Variants in TCF7L1 observed in about 807,000 individuals in gnomAD.
TCF7L1 encodes transcription factor 7-like 1.
A neutral mutation model predicts 63.7 loss-of-function variants in TCF7L1; 18 were observed. That is an observed-to-expected ratio of 0.28 (90% CI 0.20 to 0.42). The LOEUF is 0.42. Among genes scored for constraint, TCF7L1 ranks in the 10% least tolerant of loss-of-function variants. The pLI is 1.00. For missense variants in TCF7L1, 654 were observed against 779.3 expected (o/e 0.84, Z 1.91); for synonymous variants, 355 against 340.9 (o/e 1.04, Z -0.46).
In TCF7L1 at chr2:85,305,183, G is replaced by A. The variant is rs994405455; in HGVS notation, c.846-77G>A. The A allele has an allele frequency of 1.4e-5, 22 of 1,591,164 alleles. No individual in the cohort carries two copies. The South Asian group carries it at 2.3e-4, about 17-fold the overall frequency. On this transcript the variant is annotated intron_variant, in intron 7 of 11. Coordinates refer to ENST00000282111, the MANE Select transcript of TCF7L1 (RefSeq NM_031283.3). ...CATGCCTGTGCCCTTAAGGCAGAGA[G>A]CCACCGTGTCCTCTGCTGGGTGGCA...
chr2:85,198,494 T>C (rs1041932124), intron 3 of TCF7L1, among the ~76,000 whole-genome samples: 2 of 152,066 alleles, frequency 1.3e-5, no homozygotes, highest in African/African-American at 4.8e-5. Context: ...CAGGGGCTGG[T>C]TTCAGGCCCA....
chr2:85,169,966 A>G (rs578100568), intron 3 of TCF7L1, among the ~76,000 whole-genome samples: 1 of 152,390 alleles, frequency 6.6e-6, no homozygotes, highest in South Asian at 2.1e-4. Context: ...AAAGATCCAA[A>G]TTGAAAAAGA....
At chr2:85,304,124 G>A (rs1331553845) in intron 6 of TCF7L1, 127 bp downstream of exon 6, 49 of 1,204,450 alleles carry the variant, frequency 4.1e-5, no homozygotes, top group Non-Finnish European at 5.3e-5. Flanking sequence ...CCCTGCCCCC[G>A]CCCAGGCAGC....
intron 3 of TCF7L1, among the ~76,000 whole-genome samples, chr2:85,268,705 G>A (rs975953607): frequency 2.0e-5 from 3 of 150,890 alleles, no homozygotes; most frequent in Admixed American, 6.6e-5. Context: ...GTTTCCCAAA[G>A]TGCTGGGATT....
intron 4 of TCF7L1, among the ~76,000 whole-genome samples, chr2:85,285,714 C>G (rs1014107203): frequency 1.3e-5 from 2 of 152,144 alleles, no homozygotes; most frequent in Non-Finnish European, 2.9e-5. Flanking sequence ...AGACCTGGCT[C>G]GTGCCCTGCA....
chr2:85,305,854 A>AC (rs752581761), intron 8 of TCF7L1, among the ~76,000 whole-genome samples: 2 of 151,306 alleles, frequency 1.3e-5, no homozygotes, highest in African/African-American at 4.9e-5. Flanking sequence ...TCCCAAGAGA[A>AC]CCCCCTCCCA....
chr2:85,158,442 T>G (rs1016264997), intron 3 of TCF7L1, among the ~76,000 whole-genome samples: 1 of 152,200 alleles, frequency 6.6e-6, no homozygotes, highest in Non-Finnish European at 1.5e-5. Context: ...GCTGTCTTAG[T>G]GCTTATTCAA....
chr2:85,309,662 A>T lies in TCF7L1; in HGVS notation c.*200A>T, dbSNP rs999829886. Reference sequence around the variant, plus strand: ...GCTTTTTTAAAAAACAAAACAAAACAACAAAAAAAAATCTTTATAAGAAAG... The same window carrying T: ...GCTTTTTTAAAAAACAAAACAAAACTACAAAAAAAAATCTTTATAAGAAAG... On this transcript the variant is annotated 3_prime_UTR_variant, in exon 12 of 12. Transcript: ENST00000282111. 12 of 484,868 alleles carry T rather than the reference A, an allele frequency of 2.5e-5. 1 individual carries two copies. The East Asian group carries it at 3.3e-4, about 13-fold the overall frequency. The allele number at this position is 484,868 out of a possible 1,614,324, so 30.0% of individuals were successfully genotyped here. A position where few individuals can be genotyped will look rare whatever the true frequency, so the allele number is the denominator to read the frequency against.
chr2:85,238,373 CAG>C (rs1448843103), intron 3 of TCF7L1, among the ~76,000 whole-genome samples: 2 of 151,984 alleles, frequency 1.3e-5, no homozygotes, highest in African/African-American at 2.4e-5. Context: ...CACAAGCAAA[CAG>C]AGACACGGAG....
chr2:85,159,269 T>A (rs1002312585), intron 3 of TCF7L1, among the ~76,000 whole-genome samples: 2 of 152,038 alleles, frequency 1.3e-5, no homozygotes, highest in African/African-American at 4.8e-5. Context: ...GAGCCTGTGT[T>A]CTCCTCCTGA....
chr2:85,242,025 G>GT lies in TCF7L1; in HGVS notation c.442-41470_442-41469insT, dbSNP rs369320856. On this transcript the variant is annotated intron_variant, in intron 3 of 11. Coordinates refer to ENST00000282111, the MANE Select transcript of TCF7L1 (RefSeq NM_031283.3). ...TTGGGCGGAGGGGGGCGGTGGTGCG[G>GT]GGGGGCAAGAATAGATTTTTGAATC... 1.2e-4 allele frequency among the ~76,000 whole-genome samples: 17 copies of GT among 142,064 alleles called. No homozygotes were observed. In the East Asian group the frequency reaches 3.4e-3, roughly 29 times the overall value. 93.2% of individuals were successfully genotyped at this position (142,064 alleles called of 152,430 possible).
At chr2:85,214,178 C>T (rs746397970) in intron 3 of TCF7L1, among the ~76,000 whole-genome samples, 12 of 152,228 alleles carry the variant, frequency 7.9e-5, no homozygotes, top group South Asian at 2.1e-4. Flanking sequence ...TGCTGCACTT[C>T]CTGAGGAGTG....
chr2:85,301,423 A>T (rs1681970242), intron 4 of TCF7L1, among the ~76,000 whole-genome samples: 1 of 152,234 alleles, frequency 6.6e-6, no homozygotes, highest in Admixed American at 6.5e-5. Flanking sequence ...GGGTTCAGTG[A>T]CCTGTAGATG....
chr2:85,169,857 T>G (rs1165420502), intron 3 of TCF7L1, among the ~76,000 whole-genome samples: 5 of 152,204 alleles, frequency 3.3e-5, no homozygotes, highest in Non-Finnish European at 7.3e-5. Context: ...CAGTAGTCAT[T>G]AGCCTGGAAT....
At chr2:85,282,051 G>T (rs1314560474) in intron 3 of TCF7L1, among the ~76,000 whole-genome samples, 1 of 152,016 alleles carries the variant, frequency 6.6e-6, no homozygotes, top group Admixed American at 6.5e-5. Context: ...GCCATGGCAC[G>T]ATCTTGGCTC....
At chr2:85,280,848 G>A (rs1318915263) in intron 3 of TCF7L1, among the ~76,000 whole-genome samples, 2 of 152,092 alleles carry the variant, frequency 1.3e-5, no homozygotes, top group African/African-American at 2.4e-5. Flanking sequence ...AAACACATCC[G>A]AGCAAAGAGA....
chr2:85,198,097 A>T (rs1474800399), intron 3 of TCF7L1, among the ~76,000 whole-genome samples: 1 of 152,234 alleles, frequency 6.6e-6, no homozygotes, highest in African/African-American at 2.4e-5. Flanking sequence ...AAGTCCTCAG[A>T]TGGTCTACAA....
intron 3 of TCF7L1, among the ~76,000 whole-genome samples, chr2:85,196,537 ATT>A (rs111548214): frequency 4.2e-5 from 6 of 142,968 alleles, no homozygotes; most frequent in Non-Finnish European, 7.7e-5. Flanking sequence ...CATCAGGACT[ATT>A]TTTTTTTTTT....
At chr2:85,168,909 C>T (rs1268908037) in intron 3 of TCF7L1, among the ~76,000 whole-genome samples, 1 of 152,242 alleles carries the variant, frequency 6.6e-6, no homozygotes, top group East Asian at 1.9e-4. Flanking sequence ...GTGTGAAACA[C>T]CGCACCCAGT....
Sources: allele counts gnomAD v4.1 joint callset (sites outside exome capture counted in the v4.1 genomes callset), GRCh38; gene constraint gnomAD v4.1.1; transcripts MANE v1.5; gene names NCBI Gene and HGNC (gene_info 2026-07-23, HGNC 2026-07-21).